DOCK4: variants seen among roughly 807,000 people sequenced by gnomAD.
DOCK4 encodes dedicator of cytokinesis protein 4.
In DOCK4, 97 loss-of-function variants were observed where a neutral mutation model predicts 268.1. The ratio of observed to expected loss-of-function variants is 0.36; its 90% CI spans 0.31 to 0.43. DOCK4 has a LOEUF of 0.43. Among genes scored for constraint, DOCK4 ranks in the 20% least tolerant of loss-of-function variants. DOCK4 has a pLI of 1.00. For missense variants in DOCK4, 2,145 were observed against 2,455.7 expected (o/e 0.87, Z 2.67); for synonymous variants, 954 against 887.2 (o/e 1.08, Z -1.34).
At position 111,738,252 on chromosome 7, in the gene DOCK4, GC is replaced by G; in HGVS notation, c.5232+881del. Among the ~76,000 whole-genome samples, 2 of 152,254 alleles carry G rather than the reference GC, an allele frequency of 1.3e-5. 1 individual carries two copies. The highest frequency in any genetic ancestry group is 4.1e-4 in the South Asian group (2 of 4,824). ...AACCAAGTTCAGGCAGGGGGTGAGGGCCAAGCTCCCTTACTCGCATGAGCAG... is the reference window on the plus strand; with the variant it reads ...AACCAAGTTCAGGCAGGGGGTGAGGGCAAGCTCCCTTACTCGCATGAGCAG... On this transcript the variant is annotated intron_variant, in intron 49 of 52. Transcript: ENST00000428084.
chr7:111,861,970 G>A (rs1805571739), intron 23 of DOCK4, among the ~76,000 whole-genome samples: 1 of 151,854 alleles, frequency 6.6e-6, no homozygotes, highest in African/African-American at 2.4e-5. Context: ...TAGACAGGAG[G>A]ACCTTGAGTA....
chr7:111,900,366 A>C lies in DOCK4; in HGVS notation c.1480+8T>G, dbSNP rs1586310360. ...AGACACAGGTAGCCAATGCCACCAAACACTTACTGGAACAATGCCGAAACT... is the reference window on the plus strand; with the variant it reads ...AGACACAGGTAGCCAATGCCACCAACCACTTACTGGAACAATGCCGAAACT... On this transcript the variant is annotated splice_region_variant and intron_variant, in intron 15 of 52. Coordinates refer to ENST00000428084, the MANE Select transcript of DOCK4 (RefSeq NM_001363540.2). 1 of 1,611,856 alleles carries C rather than the reference A, an allele frequency of 6.2e-7. No homozygotes were observed. Among genetic ancestry groups the C allele is most frequent in the East Asian group, 2.2e-5 (1 of 44,844 alleles).
Position 111,769,649 on chromosome 7 carries a change from G to T in DOCK4, c.3708C>A (p.Asp1236Glu). 1 of 1,613,710 alleles carries T rather than the reference G, an allele frequency of 6.2e-7. No individual in the cohort carries two copies. The highest frequency in any genetic ancestry group is 8.5e-7 in the Non-Finnish European group (1 of 1,179,772). Residue 1236 changes from aspartate to glutamate, a missense_variant, in exon 37 of 53, where the codon GAC becomes GAA. Asp to Glu is a conservative substitution (Grantham distance 45). Around this residue, in one of 2 missense-constraint regions of DOCK4, gnomAD observed 1,598 missense variants for 1,986.7 expected, o/e 0.80. Coordinates refer to ENST00000428084, the MANE Select transcript of DOCK4 (RefSeq NM_001363540.2). Reference protein sequence around the residue: ...TEAAYTLLLYDELLEWSDRPL... With the variant: ...TEAAYTLLLYEELLEWSDRPL... ...GCCGATCAGACCATTCCAGTAGCTC[G>T]TCATATAAGAGGAGGGTATATGCAG...
At chr7:111,901,839 T>C in intron 13 of DOCK4, 38 bp from the exon 14 acceptor site, 4 of 1,441,694 alleles carry the variant, frequency 2.8e-6, no homozygotes, top group East Asian at 2.5e-5. Context: ...GTTATATATA[T>C]ATGAGGAAAT....
intron 31 of DOCK4, among the ~76,000 whole-genome samples, chr7:111,790,064 T>G (rs1323872356): frequency 6.6e-6 from 1 of 152,122 alleles, no homozygotes; most frequent in Non-Finnish European, 1.5e-5. Context: ...ATACTGTAAA[T>G]CAAATGCTCA....
In DOCK4 at chr7:111,956,288, G is replaced by C. The variant is rs917351198; in HGVS notation, c.702-10490C>G. Among the ~76,000 whole-genome samples, 4 of 152,138 alleles carry C rather than the reference G, an allele frequency of 2.6e-5. 1 individual carries two copies. Among genetic ancestry groups the C allele is most frequent in the Admixed American group, 2.0e-4 (3 of 15,276 alleles). On this transcript the variant is annotated intron_variant, in intron 8 of 52. Transcript: ENST00000428084. ...CTCTTTATAAGTACTCTGAGTTGAA[G>C]CATGCAGTTTCTTAAAAAGGCAGAA...
intron 26 of DOCK4, among the ~76,000 whole-genome samples, chr7:111,830,951 A>C (rs1396182422): frequency 2.0e-5 from 3 of 151,890 alleles, no homozygotes; most frequent in African/African-American, 4.8e-5. Flanking sequence ...CTCCCTCCTT[A>C]GGCTTAGGAT....
At chr7:111,730,645 A>C (rs923606495) in intron 52 of DOCK4, among the ~76,000 whole-genome samples, 6 of 151,702 alleles carry the variant, frequency 4.0e-5, no homozygotes, top group Admixed American at 6.6e-5. Context: ...TAAAAAAAAA[A>C]CCCAAAACCC....
intron 12 of DOCK4, among the ~76,000 whole-genome samples, chr7:111,920,033 A>G (rs1036798111): frequency 6.6e-6 from 1 of 152,222 alleles, no homozygotes; most frequent in African/African-American, 2.4e-5. Flanking sequence ...ACTATAAAGG[A>G]AAGACGTAGC....
intron 25 of DOCK4, among the ~76,000 whole-genome samples, chr7:111,841,353 G>A (rs1803679119): frequency 6.6e-6 from 1 of 151,874 alleles, no homozygotes; most frequent in Non-Finnish European, 1.5e-5. Flanking sequence ...TTTTAGTGGG[G>A]GTTTCAAGAT....
At chr7:112,141,256 GA>G (rs1335815834) in intron 1 of DOCK4, among the ~76,000 whole-genome samples, 3 of 152,166 alleles carry the variant, frequency 2.0e-5, no homozygotes, top group African/African-American at 7.2e-5. Flanking sequence ...ATAAGGGACA[GA>G]AAAGTGTACA....
intron 1 of DOCK4, among the ~76,000 whole-genome samples, chr7:112,154,017 G>C (rs1278336337): frequency 6.6e-6 from 1 of 152,142 alleles, no homozygotes; most frequent in Non-Finnish European, 1.5e-5. Context: ...TGTTACCCAG[G>C]CTGGGGTACA....
At chr7:112,089,629 G>A (rs1204042119) in intron 1 of DOCK4, among the ~76,000 whole-genome samples, 1 of 152,116 alleles carries the variant, frequency 6.6e-6, no homozygotes, top group African/African-American at 2.4e-5. Flanking sequence ...ATCTCCTAGT[G>A]GGAGATGACT....
chr7:111,728,291 T>C lies in DOCK4; in HGVS notation c.5911A>G (p.Lys1971Glu). 1 of 1,498,876 alleles carries C rather than the reference T, an allele frequency of 6.7e-7. No individual in the cohort carries two copies. Among genetic ancestry groups the C allele is most frequent in the South Asian group, 1.4e-5 (1 of 72,248 alleles). 92.8% of individuals were successfully genotyped at this position (1,498,876 alleles called of 1,614,324 possible). Residue 1971 changes from lysine (K) to glutamate (E), a missense_variant, in exon 53 of 53, where the codon AAG becomes GAG. Physicochemically the swap from Lys to Glu is moderately conservative, Grantham distance 56 (BLOSUM62 1). This residue lies in a region of DOCK4 where 547 missense variants were observed against 469.0 expected (regional missense o/e 1.17). Coordinates refer to ENST00000428084, the MANE Select transcript of DOCK4 (RefSeq NM_001363540.2). The stretch of plus-strand genomic sequence containing the variant: ...AAAGTGACTTATAACTGAGAGACCT[T>C]GCGGGGCAGGGGCCTGGGCCGCGGG... ...PGPRPRPLPR[K>E]VSQL
At chr7:111,970,388 T>G (rs1797615396) in intron 8 of DOCK4, among the ~76,000 whole-genome samples, 1 of 152,162 alleles carries the variant, frequency 6.6e-6, no homozygotes, top group African/African-American at 2.4e-5. Flanking sequence ...ATTAGTAGTA[T>G]CCACTGTATA....
At chr7:111,933,186 G>A (rs533422927) in intron 12 of DOCK4, among the ~76,000 whole-genome samples, 18 of 121,496 alleles carry the variant, frequency 1.5e-4, no homozygotes, top group East Asian at 4.7e-4. Flanking sequence ...ACATATATAC[G>A]TATATACACA....
intron 12 of DOCK4, among the ~76,000 whole-genome samples, chr7:111,932,165 C>T (rs2134678336): frequency 6.6e-6 from 1 of 152,224 alleles, no homozygotes; most frequent in African/African-American, 2.4e-5. Context: ...AACCTAATAA[C>T]AGATGAATGT....
intron 1 of DOCK4, among the ~76,000 whole-genome samples, chr7:112,038,934 G>C (rs1355338631): frequency 6.6e-6 from 1 of 152,172 alleles, no homozygotes; most frequent in African/African-American, 2.4e-5. Flanking sequence ...CTAGGAAATG[G>C]TGCATACCAG....
At chr7:112,105,780 C>G (rs1191795310) in intron 1 of DOCK4, among the ~76,000 whole-genome samples, 1 of 151,648 alleles carries the variant, frequency 6.6e-6, no homozygotes, top group East Asian at 1.9e-4. Flanking sequence ...CCTTGACCTC[C>G]TGGGCTCAAG....
Sources: gnomAD v4.1 joint callset for allele counts (sites outside exome capture counted in the v4.1 genomes callset) on GRCh38, gnomAD v4.1.1 for gene constraint, gnomAD v4.1.1 regional missense constraint, MANE v1.5 for transcripts, NCBI Gene and HGNC (gene_info 2026-07-23, HGNC 2026-07-21) for gene names.